The following RPS6KC1 variants were observed in gnomAD, a reference collection of about 807,000 sequenced individuals.
The protein encoded by RPS6KC1 is inactive ribosomal protein S6 kinase delta-1.
A neutral mutation model predicts 103.8 loss-of-function variants in RPS6KC1; 54 were observed. The ratio of observed to expected loss-of-function variants is 0.52; its 90% CI spans 0.42 to 0.65. The LOEUF (loss-of-function observed/expected upper bound fraction) is 0.65, where lower values mean the gene tolerates loss of function less well. RPS6KC1 is among the 30% of genes least tolerant of loss of function. The pLI is 0.00. For missense variants in RPS6KC1, 1,151 were observed against 1,253.8 expected, an observed-to-expected ratio of 0.92 and a Z score of 1.24; for synonymous variants, 439 against 438.7, an observed-to-expected ratio of 1.00 and a Z score of -0.01.
At chr1:213,490,773 T>A in the RPS6KC1 span, among the ~76,000 whole-genome samples, 2 of 152,164 alleles carry the variant, frequency 1.3e-5, no homozygotes, top group African/African-American at 2.4e-5. Context: ...TTAAAGAGGA[T>A]CTGAAAAGGT....
chr1:213,523,247 T>C, the RPS6KC1 span, among the ~76,000 whole-genome samples: 1 of 152,234 alleles, frequency 6.6e-6, no homozygotes, highest in African/African-American at 2.4e-5. Context: ...CCGTCTTACA[T>C]GGGCACAGTT....
Position 213,262,826 on chromosome 1 carries a change from C to T in RPS6KC1, c.3090+10C>T. On this transcript the variant is annotated intron_variant, in intron 14 of 14. Transcript: ENST00000366960. The stretch of plus-strand genomic sequence containing the variant: ...CTCACTCATTCAACAGGTAATTTAA[C>T]TGACCTATTGGCCAGGTTTATCAAC... The T allele has an allele frequency of 6.6e-7, 1 of 1,522,154 alleles. No homozygotes were observed. Among genetic ancestry groups the T allele is most frequent in the Non-Finnish European group, 9.1e-7 (1 of 1,095,954 alleles). 94.3% of individuals were successfully genotyped at this position (1,522,154 alleles called of 1,614,324 possible).
intron 1 of RPS6KC1, among the ~76,000 whole-genome samples, chr1:213,067,619 G>C (rs1000622062): frequency 1.3e-5 from 2 of 152,022 alleles, no homozygotes; most frequent in Admixed American, 6.6e-5. Context: ...GTTATCTGAG[G>C]TATGGAAATA....
At chr1:213,068,121 G>A (rs2148430054) in intron 1 of RPS6KC1, among the ~76,000 whole-genome samples, 1 of 152,304 alleles carries the variant, frequency 6.6e-6, no homozygotes, top group Non-Finnish European at 1.5e-5. Flanking sequence ...GAGTGATCAT[G>A]TGCTATTTTT....
the RPS6KC1 span, among the ~76,000 whole-genome samples, chr1:213,322,242 G>T: frequency 6.6e-6 from 1 of 152,144 alleles, no homozygotes; most frequent in Non-Finnish European, 1.5e-5. Context: ...GGAGGCGGAG[G>T]TTGCAGTGAT....
At chr1:213,552,926 C>T in the RPS6KC1 span, among the ~76,000 whole-genome samples, 30 of 152,206 alleles carry the variant, frequency 2.0e-4, no homozygotes, top group East Asian at 5.8e-4. Flanking sequence ...GTTTGGGCCA[C>T]GGGAGAGAGG....
the RPS6KC1 span, among the ~76,000 whole-genome samples, chr1:213,383,121 G>A: frequency 6.6e-5 from 10 of 152,182 alleles, no homozygotes; most frequent in East Asian, 5.8e-4. Context: ...GCTGAGTGTC[G>A]ACCCCCGGCC....
chr1:213,223,425 A>T (rs2093883883), intron 8 of RPS6KC1, among the ~76,000 whole-genome samples: 1 of 152,090 alleles, frequency 6.6e-6, no homozygotes, highest in African/African-American at 2.4e-5. Context: ...TTGCATCCTC[A>T]TAGCTTAGCT....
At chr1:213,137,522 G>A (rs549548615) in intron 6 of RPS6KC1, among the ~76,000 whole-genome samples, 32 of 150,852 alleles carry the variant, frequency 2.1e-4, no homozygotes, top group South Asian at 1.3e-3. Context: ...TAGGAGAAAC[G>A]GTGTTTCTCC....
At chr1:213,466,215 C>T in the RPS6KC1 span, among the ~76,000 whole-genome samples, 1 of 152,100 alleles carries the variant, frequency 6.6e-6, no homozygotes, top group Admixed American at 6.6e-5. Context: ...GTTTGAGATG[C>T]CATACAACCT....
the RPS6KC1 span, among the ~76,000 whole-genome samples, chr1:213,531,508 G>C: frequency 6.6e-6 from 1 of 152,180 alleles, no homozygotes. Context: ...GCACAGGTAA[G>C]GTCAGTAACT....
chr1:213,620,679 A>G, the RPS6KC1 span, among the ~76,000 whole-genome samples: 2 of 152,274 alleles, frequency 1.3e-5, no homozygotes, highest in African/African-American at 2.4e-5. Context: ...TATTCCCTCA[A>G]TAACCCTGAC....
At chr1:213,381,522 T>C in the RPS6KC1 span, among the ~76,000 whole-genome samples, 4 of 151,976 alleles carry the variant, frequency 2.6e-5, no homozygotes. Context: ...GAAACCCCGT[T>C]TGATCTGCTG....
the RPS6KC1 span, among the ~76,000 whole-genome samples, chr1:213,287,274 ATT>A: frequency 3.0e-5 from 4 of 134,414 alleles, no homozygotes; most frequent in Admixed American, 7.5e-5. Context: ...GTGTGTGTGT[ATT>A]TTTTTAAGTG....
the RPS6KC1 span, among the ~76,000 whole-genome samples, chr1:213,389,055 A>G: frequency 6.6e-6 from 1 of 151,824 alleles, no homozygotes; most frequent in Non-Finnish European, 1.5e-5. Flanking sequence ...TGTGCAAACA[A>G]TGGCTGGTGC....
At chr1:213,226,023 A>G (rs1034483067) in intron 8 of RPS6KC1, among the ~76,000 whole-genome samples, 1 of 151,880 alleles carries the variant, frequency 6.6e-6, no homozygotes, top group African/African-American at 2.4e-5. Flanking sequence ...GGAGATTGAG[A>G]CTATCCTGGC....
the RPS6KC1 span, among the ~76,000 whole-genome samples, chr1:213,425,280 T>C: frequency 1.3e-5 from 2 of 152,208 alleles, no homozygotes; most frequent in Non-Finnish European, 2.9e-5. Context: ...TGCATTTCAA[T>C]GTAATTGATG....
intron 3 of RPS6KC1, among the ~76,000 whole-genome samples, chr1:213,097,646 G>A (rs748637533): frequency 3.1e-4 from 47 of 152,364 alleles, no homozygotes; most frequent in Admixed American, 5.2e-4. Flanking sequence ...AGGTATGAAA[G>A]TGTTGGATAG....
At chr1:213,223,023 C>G (rs1342797969) in intron 8 of RPS6KC1, among the ~76,000 whole-genome samples, 2 of 152,156 alleles carry the variant, frequency 1.3e-5, no homozygotes, top group Non-Finnish European at 2.9e-5. Flanking sequence ...CAAAATCGGT[C>G]TAGTACTATT....
Sources: gnomAD v4.1 joint callset for allele counts (sites outside exome capture counted in the v4.1 genomes callset) on GRCh38, gnomAD v4.1.1 for gene constraint, MANE v1.5 for transcripts, NCBI Gene and HGNC (gene_info 2026-07-23, HGNC 2026-07-21) for gene names.